KLC2: variants seen among roughly 807,000 people sequenced by gnomAD.
KLC2 encodes the protein kinesin light chain 2.
KLC2 carries 35 observed loss-of-function variants against 75.1 expected under a neutral mutation model. The ratio of observed to expected loss-of-function variants is 0.47; its 90% CI spans 0.36 to 0.62. The LOEUF (loss-of-function observed/expected upper bound fraction) is 0.62. Ranked by LOEUF, KLC2 falls within the 20% of genes least tolerant of loss-of-function variation. The pLI, the probability that KLC2 is intolerant of heterozygous loss-of-function variation, is 0.00. For synonymous variants in KLC2, 314 were observed against 336.7 expected (o/e 0.93, Z 0.74); for missense variants, 611 against 833.2 (o/e 0.73, Z 3.28).
chr11:66,262,461 T>C, intron 4 of KLC2: 3 of 556,238 alleles, frequency 5.4e-6, no homozygotes, highest in Non-Finnish European at 6.5e-6. Flanking sequence ...AGAGTTCTCT[T>C]CCTCTCCGAA....
intron 2 of KLC2, 91 bp from the exon 3 acceptor site, chr11:66,261,651 C>A: frequency 1.3e-6 from 1 of 768,224 alleles, no homozygotes. Context: ...CCTGGCCCTT[C>A]ACTGGGTGCC....
chr11:66,261,523 C>G (rs936774853), intron 2 of KLC2: 2 of 534,816 alleles, frequency 3.7e-6, no homozygotes, highest in Non-Finnish European at 6.7e-6. Context: ...AAGGAAGGAA[C>G]TGGGGACTCC....
At chr11:66,256,352 G>A (rs748753847), upstream of KLC2, among the ~76,000 whole-genome samples, 4 of 152,186 alleles carry the variant, frequency 2.6e-5, no homozygotes, top group Non-Finnish European at 5.9e-5. Context: ...GCTGGGCCGA[G>A]GCCAAGGTGA....
At chr11:66,253,667 C>G (rs1159346937), upstream of KLC2, among the ~76,000 whole-genome samples, 2 of 152,218 alleles carry the variant, frequency 1.3e-5, no homozygotes, top group Non-Finnish European at 2.9e-5. Flanking sequence ...ACAGTCTCTT[C>G]CTTTGGGAGA....
At chr11:66,253,121 C>T (rs546036306), upstream of KLC2, among the ~76,000 whole-genome samples, 4 of 151,550 alleles carry the variant, frequency 2.6e-5, 1 homozygote, top group African/African-American at 7.3e-5. Flanking sequence ...GCAAGAGCTA[C>T]CACACCTGGC....
chr11:66,264,820 C>CT (rs1490154997), intron 9 of KLC2: 2 of 598,994 alleles, frequency 3.3e-6, no homozygotes, highest in African/African-American at 3.7e-5. Flanking sequence ...TAGCACATGT[C>CT]TTGGGCTGTG....
At chr11:66,253,337 A>T (rs1215047967), upstream of KLC2, among the ~76,000 whole-genome samples, 1 of 152,180 alleles carries the variant, frequency 6.6e-6, no homozygotes, top group Non-Finnish European at 1.5e-5. Context: ...AGAGAAAGGG[A>T]GGGAATCTAG....
intron 8 of KLC2, 31 bp from the exon 9 acceptor site, chr11:66,264,314 C>G (rs758985308): frequency 1.3e-6 from 2 of 1,592,722 alleles, no homozygotes; most frequent in African/African-American, 1.3e-5. Flanking sequence ...CTGCATGCAT[C>G]CCGCTCACTC....
chr11:66,261,811 C>T lies in KLC2; in HGVS notation c.298C>T (p.Arg100Trp), dbSNP rs1018827140. The T allele has an allele frequency of 3.7e-6, 6 of 1,613,162 alleles. No individual in the cohort carries two copies. The highest frequency in any genetic ancestry group is 5.1e-6 in the Non-Finnish European group (6 of 1,179,934). The change falls in exon 3 of 16, where the codon CGG (arginine) becomes TGG (tryptophan). Residue 100 changes from arginine to tryptophan, a missense_variant. Transcript: ENST00000394067. Reference protein sequence around the residue: ...SEKQKLRAQVRRLVQENQWLR... With the variant: ...SEKQKLRAQVWRLVQENQWLR... ...GAAGCAGAAGCTGCGGGCGCAGGTG[C>T]GGCGTCTGGTGCAGGAGAACCAGTG...
At position 66,263,742 on chromosome 11, in the gene KLC2, C is replaced by T; in HGVS notation, c.835C>T (p.Pro279Ser). ...IREKTLGKDH[P>S]AVAATLNNLA... Reference sequence around the variant, plus strand: ...GGAGAAAACACTGGGCAAGGACCACCCAGCCGTGAGTGAGGGTTGGGTGGG... The same window carrying T: ...GGAGAAAACACTGGGCAAGGACCACTCAGCCGTGAGTGAGGGTTGGGTGGG... Residue 279 changes from proline (P) to serine (S), a missense_variant, in exon 6 of 16, where the codon CCA becomes TCA. Physicochemically the swap from Pro to Ser is moderately conservative, Grantham distance 74. Transcript: ENST00000394067. 6.2e-7 allele frequency: 1 copy of T among 1,613,652 alleles called. No homozygotes were observed. Among genetic ancestry groups the T allele is most frequent in the African/African-American group, 1.3e-5 (1 of 75,038 alleles).
chr11:66,250,283 G>A, the KLC2 span, among the ~76,000 whole-genome samples: 22 of 144,892 alleles, frequency 1.5e-4, 1 homozygote, highest in Admixed American at 2.1e-4. Context: ...GACCCGAGCC[G>A]CCGGACTCAT....
intron 2 of KLC2, chr11:66,260,928 G>A (rs1266179146): frequency 3.3e-5 from 5 of 151,356 alleles, no homozygotes; most frequent in African/African-American, 1.2e-4. Context: ...CTGTGGTGGT[G>A]TGCACCCGTA....
At chr11:66,248,921 C>T in the KLC2 span, among the ~76,000 whole-genome samples, 111 of 151,834 alleles carry the variant, frequency 7.3e-4, 1 homozygote, top group East Asian at 0.021. Context: ...TGTTTTCTTT[C>T]GTTTTTTTTG....
At chr11:66,257,122 CGGGGTCTATCA>C (rs1856070082), upstream of KLC2, among the ~76,000 whole-genome samples, 1 of 152,184 alleles carries the variant, frequency 6.6e-6, no homozygotes, top group African/African-American at 2.4e-5. Flanking sequence ...GAAGGCACTT[CGGGGTCTATCA>C]GAGGAAATTT....
At chr11:66,255,910 C>G (rs1301293164), upstream of KLC2, among the ~76,000 whole-genome samples, 1 of 151,974 alleles carries the variant, frequency 6.6e-6, no homozygotes, top group African/African-American at 2.4e-5. Context: ...GGACTACAGG[C>G]GTGCGCCACC....
upstream of KLC2, among the ~76,000 whole-genome samples, chr11:66,256,882 C>T (rs113784489): frequency 0.027 from 4,102 of 152,198 alleles, 161 homozygotes; most frequent in African/African-American, 0.092. Flanking sequence ...GGCTGATCAC[C>T]ACCTTCTGAG....
At position 66,266,125 on chromosome 11, in the gene KLC2, C is replaced by G. The variant is rs887279463; in HGVS notation, c.1635C>G (p.Ser545=). The change falls in exon 14 of 16, where the codon TCC becomes TCG. Residue 545 remains serine, a synonymous_variant. Coordinates refer to ENST00000394067, the MANE Select transcript of KLC2 (RefSeq NM_001318734.2). ...DGSGSLRRSG[S]FGKLRDALRR... is the part of the protein sequence containing the mutation. Reference sequence around the variant, plus strand: ...GTGGCTCCTTGAGGCGCAGCGGTTCCTTTGGGAAACTCCGGGATGCCCTGA... The same window carrying G: ...GTGGCTCCTTGAGGCGCAGCGGTTCGTTTGGGAAACTCCGGGATGCCCTGA... 1 of 1,614,026 alleles carries G rather than the reference C, an allele frequency of 6.2e-7. No individual in the cohort carries two copies. Among genetic ancestry groups the G allele is most frequent in the Non-Finnish European group, 8.5e-7 (1 of 1,179,950 alleles).
At chr11:66,263,122 C>G in intron 5 of KLC2, 86 bp downstream of exon 5, 6 of 957,286 alleles carry the variant, frequency 6.3e-6, no homozygotes, top group Non-Finnish European at 9.7e-6. Context: ...TGGGCCAGGA[C>G]TCGTGGCCCA....
rs1856815169 is a variant in KLC2 at position 66,266,223 on chromosome 11, C to T, written c.1727+6C>T. On this transcript the variant is annotated splice_donor_region_variant and intron_variant, in intron 14 of 15. Transcript: ENST00000394067. ...CAGGAGCCCCCTAACCCCAGGTGAG[C>T]CCCCCACCAAGGTGAGCCTCAAGAA... 6 of 1,594,844 alleles carry T rather than the reference C, an allele frequency of 3.8e-6. No homozygotes were observed. Among genetic ancestry groups the T allele is most frequent in the East Asian group, 2.2e-5 (1 of 44,624 alleles).
Sources: gnomAD v4.1 joint callset for allele counts (sites outside exome capture counted in the v4.1 genomes callset) on GRCh38, gnomAD v4.1.1 for gene constraint, MANE v1.5 for transcripts, NCBI Gene and HGNC (gene_info 2026-07-23, HGNC 2026-07-21) for gene names.